FGF1: variants seen among roughly 807,000 people sequenced by gnomAD.
FGF1 encodes fibroblast growth factor 1.
Under a neutral mutation model 13.4 loss-of-function variants are expected in FGF1, and 9 were observed. The ratio of observed to expected loss-of-function variants is 0.67; its 90% CI spans 0.40 to 1.17. The LOEUF is 1.17. Ranked by LOEUF, FGF1 falls within the 50% of genes most tolerant of loss-of-function variation. The pLI is 0.01. For synonymous variants in FGF1, 93 were observed against 79.0 expected, an observed-to-expected ratio of 1.18 and a Z score of -0.94; for missense variants, 156 against 192.7, an observed-to-expected ratio of 0.81 and a Z score of 1.13.
intron 2 of FGF1, among the ~76,000 whole-genome samples, chr5:142,694,676 T>G (rs376717465): frequency 2.0e-5 from 3 of 152,188 alleles, no homozygotes; most frequent in Middle Eastern, 3.2e-3. Flanking sequence ...AGGGCCATAA[T>G]GTACTGACCG....
chr5:142,642,784 A>G (rs1180624227), intron 1 of FGF1, among the ~76,000 whole-genome samples: 3 of 152,120 alleles, frequency 2.0e-5, no homozygotes, highest in Non-Finnish European at 4.4e-5. Context: ...TGGCTGGGAG[A>G]TGGGAAGACC....
chr5:142,629,004 C>T (rs975618616), intron 1 of FGF1, among the ~76,000 whole-genome samples: 1 of 152,128 alleles, frequency 6.6e-6, no homozygotes, highest in African/African-American at 2.4e-5. Context: ...GTGGGGAAGA[C>T]AGAAGGCAGA....
intron 3 of FGF1, among the ~76,000 whole-genome samples, chr5:142,599,486 TACTG>T (rs1397009639): frequency 6.6e-6 from 1 of 152,176 alleles, no homozygotes; most frequent in Non-Finnish European, 1.5e-5. Context: ...AAATTCCCCC[TACTG>T]ACTGTCTTTT....
chr5:142,596,327 A>G (rs1392362809), intron 3 of FGF1, among the ~76,000 whole-genome samples: 1 of 144,366 alleles, frequency 6.9e-6, no homozygotes, highest in South Asian at 2.2e-4. Flanking sequence ...TTAATTAGCT[A>G]GGTGCCATGG....
intron 1 of FGF1, among the ~76,000 whole-genome samples, chr5:142,675,574 G>A (rs900348321): frequency 3.9e-5 from 6 of 152,186 alleles, no homozygotes; most frequent in Admixed American, 6.5e-5. Flanking sequence ...CAAGAATCAA[G>A]AGAGACAGCT....
chr5:142,610,007 T>C (rs1758708900), intron 2 of FGF1, among the ~76,000 whole-genome samples: 1 of 152,102 alleles, frequency 6.6e-6, no homozygotes, highest in African/African-American at 2.4e-5. Context: ...TGGTGTCGGA[T>C]GGTTGTGGGA....
chr5:142,595,501 A>AC lies in FGF1; in HGVS notation c.274-18_274-17insG. On this transcript the variant is annotated splice_polypyrimidine_tract_variant and intron_variant, in intron 3 of 3. Coordinates refer to ENST00000337706, the MANE Select transcript of FGF1 (RefSeq NM_000800.5). ...TGGTGTCTGCTAAAAAGATAAAACCAAAAGAGAGTAGGACAATCAGTGAGT... is the reference window on the plus strand; with the variant it reads ...TGGTGTCTGCTAAAAAGATAAAACCACAAAGAGAGTAGGACAATCAGTGAGT... The AC allele has an allele frequency of 6.2e-7, 1 of 1,608,118 alleles. No individual in the cohort carries two copies. Among genetic ancestry groups the AC allele is most frequent in the East Asian group, 2.2e-5 (1 of 44,804 alleles).
At chr5:142,617,847 CA>C in intron 1 of FGF1, among the ~76,000 whole-genome samples, 1 of 152,206 alleles carries the variant, frequency 6.6e-6, no homozygotes, top group Non-Finnish European at 1.5e-5. Context: ...GTAGTTGGTC[CA>C]AAGTTCCTTG....
chr5:142,678,539 ACTC>A (rs954156800), intron 1 of FGF1, among the ~76,000 whole-genome samples: 1 of 151,278 alleles, frequency 6.6e-6, no homozygotes, highest in African/African-American at 2.4e-5. Flanking sequence ...GGTACTCTGC[ACTC>A]CTCCTTTCAG....
intron 1 of FGF1, among the ~76,000 whole-genome samples, chr5:142,669,825 G>A (rs919916325): frequency 6.6e-6 from 1 of 152,190 alleles, no homozygotes; most frequent in Non-Finnish European, 1.5e-5. Context: ...GAAGAGCGAA[G>A]CAGACAGCGG....
Position 142,694,646 on chromosome 5 carries a change from TGGCGGGTAGGAGAAAG to T in FGF1, c.-35+2960_-35+2975del, listed in dbSNP as rs1403733826. Among the ~76,000 whole-genome samples, 5 of 152,186 alleles carry T rather than the reference TGGCGGGTAGGAGAAAG, an allele frequency of 3.3e-5. No homozygotes were observed. In the East Asian group the frequency reaches 9.6e-4, roughly 29 times the overall value. ...GAGGACCCCAGCTTGGTCACCCTGGTGGCGGGTAGGAGAAAGGGCAGGGCCATAATGTACTGACCGG... is the reference window on the plus strand; with the variant it reads ...GAGGACCCCAGCTTGGTCACCCTGGTGGCAGGGCCATAATGTACTGACCGG... On this transcript the variant is annotated intron_variant, in intron 2 of 4. Coordinates refer to the FGF1 transcript ENST00000407758.
rs151276626 is a variant in FGF1, at chr5:142,620,375, G to A, written c.-34-6214C>T. Among the ~76,000 whole-genome samples, 1,015 of 151,906 alleles carry A rather than the reference G, an allele frequency of 6.7e-3. 13 individuals are homozygous for A. The highest frequency in any genetic ancestry group is 0.028 in the Admixed American group (426 of 15,260). ...GGAGCTTGCAGTGAGCTGAGATCGC[G>A]CCACTGCACTCCAGCCTGGGTGACA... On this transcript the variant is annotated intron_variant, in intron 1 of 3. Transcript: ENST00000337706.
chr5:142,601,145 A>G (rs1416589589), intron 2 of FGF1: 1 of 518,920 alleles, frequency 1.9e-6, no homozygotes, highest in Non-Finnish European at 3.8e-6. Context: ...TCACAGGAGG[A>G]AATGGCACTC....
chr5:142,596,088 C>G (rs544151293), intron 3 of FGF1, among the ~76,000 whole-genome samples: 1 of 152,310 alleles, frequency 6.6e-6, no homozygotes, highest in African/African-American at 2.4e-5. Context: ...AAAATTTATC[C>G]TAAGCATGAA....
At chr5:142,669,072 G>A (rs946840267) in intron 1 of FGF1, among the ~76,000 whole-genome samples, 1 of 152,266 alleles carries the variant, frequency 6.6e-6, no homozygotes, top group Admixed American at 6.5e-5. Flanking sequence ...TGATGCCGCT[G>A]AGCGGGGGGT....
At position 142,607,905 on chromosome 5, in the gene FGF1, C is replaced by T. The variant is rs142939447; in HGVS notation, c.169+6054G>A. ...GTGCTAGCCCGCAACTCACTGTTCACACCTTTTGTCTGAGGAACTAAGTTT... is the reference window on the plus strand; with the variant it reads ...GTGCTAGCCCGCAACTCACTGTTCATACCTTTTGTCTGAGGAACTAAGTTT... On this transcript the variant is annotated intron_variant, in intron 2 of 3. Coordinates refer to ENST00000337706, the MANE Select transcript of FGF1 (RefSeq NM_000800.5). Among the ~76,000 whole-genome samples, 953 of 152,324 alleles carry T rather than the reference C, an allele frequency of 6.3e-3. 21 individuals carry two copies. In the East Asian group the frequency reaches 0.085, roughly 14 times the overall value.
At chr5:142,600,901 C>T in intron 2 of FGF1, 96 bp from the exon 3 acceptor site, 1 of 817,666 alleles carries the variant, frequency 1.2e-6, no homozygotes, top group Non-Finnish European at 2.0e-6. Context: ...AAATTCTGCT[C>T]ATTCATTTCA....
intron 2 of FGF1, among the ~76,000 whole-genome samples, chr5:142,604,435 A>G (rs1387042389): frequency 6.6e-6 from 1 of 152,204 alleles, no homozygotes; most frequent in African/African-American, 2.4e-5. Flanking sequence ...GCACCATGCT[A>G]GTTTCTATCT....
rs189215509 is a variant in FGF1 at position 142,613,360 on chromosome 5, G to A, written c.169+599C>T. Among the ~76,000 whole-genome samples the A allele has an allele frequency of 1.5e-3, 231 of 152,362 alleles. 3 individuals are homozygous for A. Among genetic ancestry groups the A allele is most frequent in the African/African-American group, 3.4e-3 (142 of 41,580 alleles). ...CTGGAAGAGATATTCAGCATTTGGC[G>A]CTAGTCGCTCCTACTCTCCAGTTTC... On this transcript the variant is annotated intron_variant, in intron 2 of 3. Transcript: ENST00000337706.
Sources: allele counts gnomAD v4.1 joint callset (sites outside exome capture counted in the v4.1 genomes callset), GRCh38; gene constraint gnomAD v4.1.1; transcripts MANE v1.5; gene names NCBI Gene and HGNC (gene_info 2026-07-23, HGNC 2026-07-21).